Variants in MTCL2 observed in about 807,000 individuals in gnomAD.
MTCL2 encodes microtubule cross-linking factor 2.
chr20:36,845,139 G>A, the MTCL2 span, among the ~76,000 whole-genome samples: 1 of 152,204 alleles, frequency 6.6e-6, no homozygotes, highest in Non-Finnish European at 1.5e-5. Flanking sequence ...CAGCATCACT[G>A]GTGAATTTGT....
At chr20:36,783,642 G>T in the MTCL2 span, 3 of 396,782 alleles carry the variant, frequency 7.6e-6, no homozygotes, top group Non-Finnish European at 1.0e-5. Flanking sequence ...GGGAGAACGG[G>T]TTCGAGAAGG....
At chr20:36,778,227 T>G in the MTCL2 span, 6 of 164,396 alleles carry the variant, frequency 3.6e-5, no homozygotes, top group Non-Finnish European at 7.9e-5. Flanking sequence ...ATCTCAGGAG[T>G]CCAGATAAGG....
At chr20:36,824,475 C>T in the MTCL2 span, among the ~76,000 whole-genome samples, 1 of 151,172 alleles carries the variant, frequency 6.6e-6, no homozygotes, top group Non-Finnish European at 1.5e-5. Flanking sequence ...AGACAGAAAG[C>T]GGATGAGTGG....
chr20:36,817,116 A>T, the MTCL2 span, among the ~76,000 whole-genome samples: 7 of 151,862 alleles, frequency 4.6e-5, no homozygotes, highest in South Asian at 4.2e-4. Flanking sequence ...AAAATACAAA[A>T]ATTAGCCAGG....
At chr20:36,793,442 CCTG>C in the MTCL2 span, 1 of 1,551,220 alleles carries the variant, frequency 6.4e-7, no homozygotes, top group Non-Finnish European at 8.7e-7. The surrounding 1 kb of genome is among the most constrained non-coding windows in gnomAD (Gnocchi z 6.8). Flanking sequence ...GCCCTCCTCT[CCTG>C]CTGATGAGGT....
the MTCL2 span, among the ~76,000 whole-genome samples, chr20:36,855,926 C>T: frequency 6.6e-6 from 1 of 152,098 alleles, no homozygotes; most frequent in East Asian, 1.9e-4. Flanking sequence ...CTCCTCCCTC[C>T]CCAGGCCTCT....
the MTCL2 span, among the ~76,000 whole-genome samples, chr20:36,820,460 CTATAACCCAAA>C: frequency 7.2e-4 from 110 of 152,290 alleles, no homozygotes; most frequent in African/African-American, 2.6e-3. Context: ...AAAACAAAGC[CTATAACCCAAA>C]TATGTCCACC....
chr20:36,849,178 CAG>C, the MTCL2 span, among the ~76,000 whole-genome samples: 1 of 145,498 alleles, frequency 6.9e-6, no homozygotes, highest in Non-Finnish European at 1.5e-5. Flanking sequence ...TCTCCCACCT[CAG>C]CCTCCCGAGT....
chr20:36,829,032 G>A, the MTCL2 span: 3 of 1,528,268 alleles, frequency 2.0e-6, no homozygotes, highest in Non-Finnish European at 1.8e-6. Flanking sequence ...GGCTGGCCCT[G>A]CTGGATGCAT....
chr20:36,850,087 C>T, the MTCL2 span, among the ~76,000 whole-genome samples: 1 of 152,154 alleles, frequency 6.6e-6, no homozygotes, highest in Non-Finnish European at 1.5e-5. Context: ...CCCTGGGGAA[C>T]TCTGATATGA....
chr20:36,805,832 G>A, the MTCL2 span: 76 of 1,583,810 alleles, frequency 4.8e-5, no homozygotes, highest in African/African-American at 5.7e-4. Flanking sequence ...CAACAGGACC[G>A]GGAAGGGGCT....
At chr20:36,780,746 T>C in the MTCL2 span, 1 of 152,232 alleles carries the variant, frequency 6.6e-6, no homozygotes, top group Admixed American at 6.5e-5. Context: ...AGGTATAGAC[T>C]AGAAACATGA....
At chr20:36,826,875 G>C in the MTCL2 span, among the ~76,000 whole-genome samples, 1 of 152,064 alleles carries the variant, frequency 6.6e-6, no homozygotes, top group African/African-American at 2.4e-5. Flanking sequence ...AAGTGAGATT[G>C]CTGGATCATA....
the MTCL2 span, among the ~76,000 whole-genome samples, chr20:36,844,757 C>T: frequency 6.6e-6 from 1 of 151,020 alleles, no homozygotes; most frequent in Admixed American, 6.6e-5. Context: ...CAGTGGCTCA[C>T]GCCTGTAATC....
At chr20:36,832,320 G>A in the MTCL2 span, among the ~76,000 whole-genome samples, 4 of 152,180 alleles carry the variant, frequency 2.6e-5, no homozygotes, top group Admixed American at 6.5e-5. Context: ...CTCCACCTGC[G>A]GGGATGCCCC....
At chr20:36,800,394 G>A in the MTCL2 span, among the ~76,000 whole-genome samples, 1 of 152,224 alleles carries the variant, frequency 6.6e-6, no homozygotes, top group Non-Finnish European at 1.5e-5. Context: ...CATGGTACCT[G>A]GATGGTTCTG....
chr20:36,793,263 C>T, the MTCL2 span: 3 of 1,551,198 alleles, frequency 1.9e-6, no homozygotes, highest in African/African-American at 4.1e-5. This position sits in a 1 kb window ranked among gnomAD's most constrained non-coding sequence, Gnocchi z 6.8. Flanking sequence ...TTGGGAAGGA[C>T]CACGGCTCCA....
chr20:36,816,025 C>T, the MTCL2 span: 1 of 1,613,700 alleles, frequency 6.2e-7, no homozygotes, highest in Non-Finnish European at 8.5e-7. Flanking sequence ...GCCCGCAGGC[C>T]TCGGTTCTCC....
the MTCL2 span, among the ~76,000 whole-genome samples, chr20:36,802,682 C>T: frequency 6.6e-6 from 1 of 152,206 alleles, no homozygotes; most frequent in Non-Finnish European, 1.5e-5. Flanking sequence ...AAATCTAGTT[C>T]CCACTGCATT....
Sources: gnomAD v4.1 joint callset for allele counts (sites outside exome capture counted in the v4.1 genomes callset) on GRCh38, gnomAD v4.1.1 for gene constraint, Gnocchi (gnomAD v3.1) non-coding constraint, MANE v1.5 for transcripts, NCBI Gene and HGNC (gene_info 2026-07-23, HGNC 2026-07-21) for gene names.